Variants in RAB19 observed in about 807,000 individuals in gnomAD.
The protein encoded by RAB19 is ras-related protein Rab-19.
Under a neutral mutation model 17.3 loss-of-function variants are expected in RAB19, and 21 were observed. The ratio of observed to expected loss-of-function variants is 1.21; its 90% CI spans 0.86 to 1.74. The LOEUF (loss-of-function observed/expected upper bound fraction) is 1.74. Among genes scored for constraint, RAB19 ranks in the 40% most tolerant of loss-of-function variants. The pLI is 0.00. For synonymous variants in RAB19, 126 were observed against 110.4 expected, an observed-to-expected ratio of 1.14 and a Z score of -0.88; for missense variants, 277 against 286.8, an observed-to-expected ratio of 0.97 and a Z score of 0.25.
intron 2 of RAB19, among the ~76,000 whole-genome samples, chr7:140,408,861 C>A (rs545661220): frequency 6.6e-6 from 1 of 152,126 alleles, no homozygotes; most frequent in Non-Finnish European, 1.5e-5. Flanking sequence ...CCGACTCAAG[C>A]GATCCTCTCA....
chr7:140,407,609 A>T lies in RAB19; in HGVS notation c.-23-15A>T, dbSNP rs372749794. 7.5e-6 allele frequency: 12 copies of T among 1,604,074 alleles called. No homozygotes were observed. Among genetic ancestry groups the T allele is most frequent in the African/African-American group, 1.3e-5 (1 of 74,612 alleles). On this transcript the variant is annotated splice_polypyrimidine_tract_variant and intron_variant, in intron 1 of 3. Transcript: ENST00000537763. Reference sequence around the variant, plus strand: ...TCCCCAGTTCCTGGTGCTGAATTCCATCCTTTCTTCCTAGTTCTGTTCTAG... The same window carrying T: ...TCCCCAGTTCCTGGTGCTGAATTCCTTCCTTTCTTCCTAGTTCTGTTCTAG...
At chr7:140,420,628 G>A (rs1472871878) in intron 3 of RAB19, among the ~76,000 whole-genome samples, 3 of 151,982 alleles carry the variant, frequency 2.0e-5, no homozygotes, top group East Asian at 1.9e-4. Flanking sequence ...TAGAGGAATC[G>A]AATCCTGCAT....
At chr7:140,423,375 G>C (rs1255520146) in intron 3 of RAB19, among the ~76,000 whole-genome samples, 1 of 151,814 alleles carries the variant, frequency 6.6e-6, no homozygotes, top group Non-Finnish European at 1.5e-5. Context: ...GGGAGGCAGA[G>C]GTTGCAGTGA....
At chr7:140,408,837 C>T (rs1004907322) in intron 2 of RAB19, among the ~76,000 whole-genome samples, 18 of 152,122 alleles carry the variant, frequency 1.2e-4, no homozygotes, top group African/African-American at 4.3e-4. Context: ...CAGCTCACTC[C>T]AGCCTCCATC....
At chr7:140,419,994 A>G (rs1434262951) in intron 3 of RAB19, among the ~76,000 whole-genome samples, 1 of 152,188 alleles carries the variant, frequency 6.6e-6, no homozygotes, top group Non-Finnish European at 1.5e-5. Flanking sequence ...TTTTCTTGTC[A>G]ATTCCTAACA....
At chr7:140,405,788 CAAAAA>C (rs35424074) in intron 1 of RAB19, among the ~76,000 whole-genome samples, 1 of 108,798 alleles carries the variant, frequency 9.2e-6, no homozygotes, top group Admixed American at 9.4e-5. Flanking sequence ...GACTCTGTCT[CAAAAA>C]AAAAAAAAAA....
intron 3 of RAB19, among the ~76,000 whole-genome samples, chr7:140,415,077 TTTTC>T (rs1174983043): frequency 1.3e-5 from 2 of 151,304 alleles, no homozygotes; most frequent in African/African-American, 4.9e-5. Flanking sequence ...TTTTCTTTTC[TTTTC>T]TTTTTTTTTT....
rs1215933775 is a variant in RAB19, at chr7:140,409,098, T to G, written c.201+1251T>G. On this transcript the variant is annotated intron_variant, in intron 2 of 3. Coordinates refer to ENST00000537763, the MANE Select transcript of RAB19 (RefSeq NM_001008749.3). ...TTTTCTAGTGGCCAGGCAAGGTGGC[T>G]CACACCTGTAATCCCAGCACTTCGG... 2.6e-5 allele frequency among the ~76,000 whole-genome samples: 4 copies of G among 151,500 alleles called. No individual in the cohort carries two copies. The East Asian group carries it at 8.0e-4, about 30-fold the overall frequency.
At chr7:140,407,931 C>A in intron 2 of RAB19, 84 bp downstream of exon 2, 1 of 1,028,420 alleles carries the variant, frequency 9.7e-7, no homozygotes, top group South Asian at 1.6e-5. Context: ...CTCGCGCGAT[C>A]TCGGCTCACT....
At position 140,420,420 on chromosome 7, in the gene RAB19, CAAAAAAAAA is replaced by C. The variant is rs560889183; in HGVS notation, c.386-5451_386-5443del. On this transcript the variant is annotated intron_variant, in intron 3 of 3. Coordinates refer to ENST00000537763, the MANE Select transcript of RAB19 (RefSeq NM_001008749.3). ...TGGGCAACAGAGTGAGACTCCATATCAAAAAAAAAAAAAAAAAAAGAAGAAGAAGAAGGA... is the reference window on the plus strand; with the variant it reads ...TGGGCAACAGAGTGAGACTCCATATCAAAAAAAAAAGAAGAAGAAGAAGGA... Among the ~76,000 whole-genome samples, 105 of 87,276 alleles carry C rather than the reference CAAAAAAAAA, an allele frequency of 1.2e-3. 1 individual carries two copies. In the East Asian group the frequency reaches 0.023, roughly 19 times the overall value. 57.3% of individuals were successfully genotyped at this position (87,276 alleles called of 152,430 possible).
At chr7:140,424,613 C>CTATA (rs1161239478) in intron 3 of RAB19, among the ~76,000 whole-genome samples, 3 of 79,244 alleles carry the variant, frequency 3.8e-5, no homozygotes, top group South Asian at 3.4e-4. Flanking sequence ...CTCTCTCTCT[C>CTATA]TCTCTCTATA....
chr7:140,405,459 T>C (rs1799219354), intron 1 of RAB19, among the ~76,000 whole-genome samples: 2 of 152,070 alleles, frequency 1.3e-5, no homozygotes, highest in East Asian at 3.9e-4. Flanking sequence ...TGACCTCAAG[T>C]GATCCGCCTG....
chr7:140,406,432 G>C (rs1469487093), intron 1 of RAB19, among the ~76,000 whole-genome samples: 4 of 151,768 alleles, frequency 2.6e-5, no homozygotes, highest in Non-Finnish European at 4.4e-5. Flanking sequence ...TTGAGGTCAG[G>C]CATTCGAGAC....
chr7:140,404,509 A>T (rs1160006041), intron 1 of RAB19: 1 of 152,170 alleles, frequency 6.6e-6, no homozygotes, highest in East Asian at 1.9e-4. Flanking sequence ...TCATCTACCC[A>T]TATGTGATTT....
chr7:140,422,381 G>A (rs780276444), intron 3 of RAB19, among the ~76,000 whole-genome samples: 1 of 149,300 alleles, frequency 6.7e-6, no homozygotes, highest in Non-Finnish European at 1.5e-5. Flanking sequence ...AGAGTGAGAC[G>A]CTGTCTCAAA....
In RAB19 at chr7:140,404,818, A is replaced by G. The variant is rs77170312; in HGVS notation, c.-24+601A>G. On this transcript the variant is annotated intron_variant, in intron 1 of 3. Transcript: ENST00000537763. ...GGAAGAACAGTTAAAGAGGATGGGG[A>G]TATTCTCCTTGGGGGAATATTCTTG... 6.6e-3 allele frequency among the ~76,000 whole-genome samples: 1,002 copies of G among 152,220 alleles called. 11 individuals carry two copies. Among genetic ancestry groups the G allele is most frequent in the African/African-American group, 0.023 (949 of 41,516 alleles).
intron 3 of RAB19, among the ~76,000 whole-genome samples, chr7:140,419,166 T>C (rs1164264454): frequency 6.6e-6 from 1 of 151,150 alleles, no homozygotes; most frequent in Admixed American, 6.6e-5. Flanking sequence ...ACCTCCCAGG[T>C]TCAAGTGATT....
intron 3 of RAB19, among the ~76,000 whole-genome samples, chr7:140,414,009 G>A (rs970521824): frequency 6.6e-6 from 1 of 152,116 alleles, no homozygotes; most frequent in Non-Finnish European, 1.5e-5. Context: ...AGGGCTGAGT[G>A]GGAAGCTGCC....
chr7:140,424,655 A>ATG (rs1159822662), intron 3 of RAB19, among the ~76,000 whole-genome samples: 276 of 111,500 alleles, frequency 2.5e-3, no homozygotes, highest in Non-Finnish European at 3.8e-3. Flanking sequence ...GTGTGTATAT[A>ATG]TGTGTGTGTA....
Sources: gnomAD v4.1 joint callset for allele counts (sites outside exome capture counted in the v4.1 genomes callset) on GRCh38, gnomAD v4.1.1 for gene constraint, MANE v1.5 for transcripts, NCBI Gene and HGNC (gene_info 2026-07-23, HGNC 2026-07-21) for gene names.